CA10: variants seen among roughly 807,000 people sequenced by gnomAD.
The protein encoded by CA10 is carbonic anhydrase 10 (inactive), also known as carbonic anhydrase-related protein 10.
A neutral mutation model predicts 44.2 loss-of-function variants in CA10; 14 were observed. The ratio of observed to expected loss-of-function variants is 0.32; its 90% CI spans 0.21 to 0.50. The LOEUF is 0.50. CA10 is among the 20% of genes least tolerant of loss of function. The probability of loss-of-function intolerance (pLI) is 0.99; values close to 1 mark genes in which losing one functional copy is unlikely to be tolerated. For synonymous variants in CA10, 159 were observed against 141.6 expected (o/e 1.12, Z -0.87); for missense variants, 350 against 409.7 (o/e 0.85, Z 1.26).
intron 4 of CA10, among the ~76,000 whole-genome samples, chr17:51,723,104 C>T (rs2106336): frequency 0.2 from 31,022 of 152,128 alleles, 3,528 homozygotes; most frequent in East Asian, 0.34. Context: ...TATTAATGAG[C>T]CTTTCAAGAT....
intron 5 of CA10, among the ~76,000 whole-genome samples, chr17:51,650,513 G>T (rs1480815909): frequency 6.6e-6 from 1 of 152,204 alleles, no homozygotes. Context: ...ACACACCAAA[G>T]GGAGCTTGGT....
At chr17:51,737,253 T>C (rs1916942536) in intron 4 of CA10, among the ~76,000 whole-genome samples, 1 of 152,148 alleles carries the variant, frequency 6.6e-6, no homozygotes. Context: ...TAATAAGTGC[T>C]AGCTCAAAAG....
chr17:52,108,227 A>T (rs1004193807), intron 1 of CA10, among the ~76,000 whole-genome samples: 4 of 120,336 alleles, frequency 3.3e-5, no homozygotes, highest in Non-Finnish European at 7.8e-5. Context: ...TATATATATA[A>T]TATGTATATG....
At position 51,936,234 on chromosome 17, in the gene CA10, GA is replaced by G. The variant is rs574126969; in HGVS notation, c.137-5103del. ...CAGTTCTGGGAAGTCAATTATGAATGAGAGATATGGTTCCTATTCTCATGAA... is the reference window on the plus strand; with the variant it reads ...CAGTTCTGGGAAGTCAATTATGAATGGAGATATGGTTCCTATTCTCATGAA... On this transcript the variant is annotated intron_variant, in intron 2 of 8. Coordinates refer to ENST00000451037, the MANE Select transcript of CA10 (RefSeq NM_020178.5). 7.3e-4 allele frequency among the ~76,000 whole-genome samples: 111 copies of G among 152,298 alleles called. No individual in the cohort carries two copies. In the South Asian group the frequency reaches 0.023, roughly 31 times the overall value.
Position 51,671,877 on chromosome 17 carries a change from G to A in CA10, c.466-18141C>T, listed in dbSNP as rs114910053. Among the ~76,000 whole-genome samples, 568 of 151,898 alleles carry A rather than the reference G, an allele frequency of 3.7e-3. 1 individual carries two copies. Among genetic ancestry groups the A allele is most frequent in the African/African-American group, 0.013 (551 of 41,514 alleles). On this transcript the variant is annotated intron_variant, in intron 4 of 8. Coordinates refer to ENST00000451037, the MANE Select transcript of CA10 (RefSeq NM_020178.5). ...CCTTTTGAAATCTTGTAACATTAAA[G>A]TAACATTAAAATATGGGCTTGACTG...
Position 51,669,515 on chromosome 17 carries a change from C to T in CA10, c.466-15779G>A, listed in dbSNP as rs189928405. ...CCACACTGTGGAAGCTTTGTTCTTT[C>T]GCTCTTCGTACTAAATCTTGCTGCT... On this transcript the variant is annotated intron_variant, in intron 4 of 8. Coordinates refer to ENST00000451037, the MANE Select transcript of CA10 (RefSeq NM_020178.5). Among the ~76,000 whole-genome samples, 242 of 152,274 alleles carry T rather than the reference C, an allele frequency of 1.6e-3. 1 individual carries two copies. The highest frequency in any genetic ancestry group is 4.3e-3 in the Admixed American group (66 of 15,290).
chr17:51,646,566 G>C (rs566187780), intron 6 of CA10, among the ~76,000 whole-genome samples: 49 of 152,102 alleles, frequency 3.2e-4, no homozygotes, highest in Non-Finnish European at 6.6e-4. Flanking sequence ...GGCCCCCTGA[G>C]TTTTCTTCAT....
At chr17:51,768,100 C>T (rs897436387) in intron 3 of CA10, among the ~76,000 whole-genome samples, 7 of 151,684 alleles carry the variant, frequency 4.6e-5, no homozygotes, top group African/African-American at 7.3e-5. Context: ...CAATTTCCTT[C>T]GGGAAAAGTT....
At chr17:51,897,649 T>A (rs1981130093) in intron 3 of CA10, among the ~76,000 whole-genome samples, 1 of 152,178 alleles carries the variant, frequency 6.6e-6, no homozygotes, top group Non-Finnish European at 1.5e-5. Flanking sequence ...TATAAATTGC[T>A]CTGGGCATTA....
chr17:51,641,741 T>C (rs1913097168), intron 6 of CA10, among the ~76,000 whole-genome samples: 1 of 151,880 alleles, frequency 6.6e-6, no homozygotes, highest in South Asian at 2.1e-4. Context: ...ATAAAATGCC[T>C]AGGACCACTT....
At chr17:51,732,085 C>T (rs1204873143) in intron 4 of CA10, among the ~76,000 whole-genome samples, 1 of 152,188 alleles carries the variant, frequency 6.6e-6, no homozygotes, top group East Asian at 1.9e-4. Context: ...TATCAGAAGG[C>T]ACACAGTAGG....
intron 4 of CA10, among the ~76,000 whole-genome samples, chr17:51,711,826 G>A (rs1915951531): frequency 6.6e-6 from 1 of 152,164 alleles, no homozygotes; most frequent in South Asian, 2.1e-4. Context: ...ATGGGCCGTG[G>A]GCTTCTGCTG....
intron 3 of CA10, among the ~76,000 whole-genome samples, chr17:51,853,246 G>A (rs1978882332): frequency 6.6e-6 from 1 of 152,180 alleles, no homozygotes; most frequent in African/African-American, 2.4e-5. Flanking sequence ...AATCAGGAGT[G>A]GGGTGATTAA....
At chr17:51,882,688 G>C (rs1458598338) in intron 3 of CA10, among the ~76,000 whole-genome samples, 2 of 152,112 alleles carry the variant, frequency 1.3e-5, no homozygotes, top group Admixed American at 6.6e-5. Context: ...GTGGCTCTCT[G>C]TGCTCAGCTC....
intron 3 of CA10, among the ~76,000 whole-genome samples, chr17:51,851,926 T>C (rs554317544): frequency 6.6e-6 from 1 of 152,342 alleles, no homozygotes; most frequent in South Asian, 2.1e-4. Context: ...TTTAGTTCCA[T>C]CTTAAATCCT....
chr17:51,808,237 A>G (rs1430021758), intron 3 of CA10, among the ~76,000 whole-genome samples: 1 of 152,206 alleles, frequency 6.6e-6, no homozygotes, highest in East Asian at 1.9e-4. Context: ...TAAATGTGTT[A>G]ATTACAGTCA....
intron 1 of CA10, among the ~76,000 whole-genome samples, chr17:52,104,188 CTTT>C (rs3066269): frequency 2.3e-4 from 34 of 145,672 alleles, no homozygotes; most frequent in Non-Finnish European, 2.4e-4. Context: ...CACCTCCTGC[CTTT>C]TTTTTTTTTT....
At chr17:51,927,674 A>G (rs147331401) in intron 3 of CA10, among the ~76,000 whole-genome samples, 1 of 152,202 alleles carries the variant, frequency 6.6e-6, no homozygotes, top group Admixed American at 6.5e-5. Flanking sequence ...CTGAGCAAAA[A>G]GACATGAAAG....
At chr17:51,765,016 A>T (rs562973248) in intron 3 of CA10, among the ~76,000 whole-genome samples, 2 of 152,368 alleles carry the variant, frequency 1.3e-5, no homozygotes, top group East Asian at 3.9e-4. Context: ...TTAAAGATAA[A>T]GGCAAAGACT....
Sources: allele counts gnomAD v4.1 joint callset (sites outside exome capture counted in the v4.1 genomes callset), GRCh38; gene constraint gnomAD v4.1.1; transcripts MANE v1.5; gene names NCBI Gene and HGNC (gene_info 2026-07-23, HGNC 2026-07-21).